MEGF8: variants seen among roughly 807,000 people sequenced by gnomAD.
The protein encoded by MEGF8 is multiple EGF like domains 8, also known as multiple epidermal growth factor-like domains protein 8.
In MEGF8, 156 loss-of-function variants were observed where a neutral mutation model predicts 302.9. The observed-to-expected ratio is 0.52, with a 90% confidence interval of 0.45 to 0.59. The LOEUF is 0.59. Ranked by LOEUF, MEGF8 falls within the 20% of genes least tolerant of loss-of-function variation. The pLI, the probability that MEGF8 is intolerant of heterozygous loss-of-function variation, is 0.00. For missense variants in MEGF8, 3,345 were observed against 3,964.5 expected, an observed-to-expected ratio of 0.84 and a Z score of 4.20; for synonymous variants, 1,621 against 1,660.5, an observed-to-expected ratio of 0.98 and a Z score of 0.58.
chr19:42,351,695 G>T lies in MEGF8; in HGVS notation c.3035G>T (p.Cys1012Phe), dbSNP rs1368558165. ...CGGAGCTGCGATGGCTTCCTGACCT[G>T]CCATGAGTGTCTGCAGAGCCACGAG... ...RCRSCDGFLTCHECLQSHECG... is the reference protein window; with the variant it reads ...RCRSCDGFLTFHECLQSHECG... Residue 1012 changes from cysteine (C) to phenylalanine (F), a missense_variant, in exon 18 of 42, where the codon TGC becomes TTC. Transcript: ENST00000251268. This position sits in a 1 kb window ranked among gnomAD's most constrained non-coding sequence, Gnocchi z 5.6. 6.3e-7 allele frequency: 1 copy of T among 1,595,432 alleles called. No individual in the cohort carries two copies. Among genetic ancestry groups the T allele is most frequent in the African/African-American group, 1.3e-5 (1 of 74,626 alleles).
At position 42,335,346 on chromosome 19, in the gene MEGF8, C is replaced by T. The variant is rs368954010; in HGVS notation, c.789C>T (p.Ser263=). The T allele has an allele frequency of 2.4e-5, 38 of 1,613,866 alleles. No homozygotes were observed. Among genetic ancestry groups the T allele is most frequent in the Non-Finnish European group, 2.7e-5 (32 of 1,179,886 alleles). The change falls in exon 5 of 42, where the codon TCC becomes TCT. Residue 263 remains serine, a synonymous_variant. Coordinates refer to ENST00000251268, the MANE Select transcript of MEGF8 (RefSeq NM_001271938.2). Reference sequence around the variant, plus strand: ...GTGACCTCGTCCTATACAACTTCTCCGCCAACACCTGGGAGTCTTGGGACC... The same window carrying T: ...GTGACCTCGTCCTATACAACTTCTCTGCCAACACCTGGGAGTCTTGGGACC... The part of the protein sequence containing the change: ...ALGDLVLYNF[S]ANTWESWDLS...
In MEGF8 at chr19:42,352,239, G is replaced by C. The variant is rs756780589; in HGVS notation, c.3133G>C (p.Gly1045Arg). Reference sequence around the variant, plus strand: ...ACAGGGGGACTTCTCAGGGCCCCTCGGTGGGGGTAACTGCTCCCTGTGGGT... The same window carrying C: ...ACAGGGGGACTTCTCAGGGCCCCTCCGTGGGGGTAACTGCTCCCTGTGGGT... Reference protein sequence around the residue: ...CLQGDFSGPLGGGNCSLWVGE... With the variant: ...CLQGDFSGPLRGGNCSLWVGE... The change falls in exon 19 of 42, where the codon GGT (glycine) becomes CGT (arginine). Residue 1045 changes from glycine (G) to arginine (R), a missense_variant. Physicochemically the swap from Gly to Arg is moderately radical, Grantham distance 125. Coordinates refer to ENST00000251268, the MANE Select transcript of MEGF8 (RefSeq NM_001271938.2). The surrounding 1 kb of genome is among the most constrained non-coding windows in gnomAD (Gnocchi z 4.4). 2 of 1,554,908 alleles carry C rather than the reference G, an allele frequency of 1.3e-6. No individual in the cohort carries two copies. The highest frequency in any genetic ancestry group is 1.9e-5 in the Admixed American group (1 of 52,368).
chr19:42,376,863 A>C lies in MEGF8; in HGVS notation c.*88A>C, dbSNP rs1383206728. ...TCCCTCCACCTGGGGGCCCCTGGAC[A>C]CTGTCTACTTGGAGACCACTGGCCC... On this transcript the variant is annotated 3_prime_UTR_variant, in exon 42 of 42. Coordinates refer to ENST00000251268, the MANE Select transcript of MEGF8 (RefSeq NM_001271938.2). The surrounding 1 kb of genome is among the most constrained non-coding windows in gnomAD (Gnocchi z 8.2). 1.5e-6 allele frequency: 2 copies of C among 1,369,494 alleles called. No homozygotes were observed. The highest frequency in any genetic ancestry group is 2.7e-5 in the East Asian group (1 of 36,820). 84.8% of individuals were successfully genotyped at this position (1,369,494 alleles called of 1,614,324 possible).
chr19:42,362,461 T>C lies in MEGF8; in HGVS notation c.5922T>C (p.Ser1974=). ...ACIGRNGSCT[S]ENDCRINQRE... ...TTGGACGCAATGGGTCCTGCACCTC[T>C]GAGAATGACTGTCGGATCAACCAGC... The change falls in exon 34 of 42, where the codon TCT becomes TCC. Residue 1974 remains serine (S), a synonymous_variant. Coordinates refer to ENST00000251268, the MANE Select transcript of MEGF8 (RefSeq NM_001271938.2). The C allele has an allele frequency of 6.2e-7, 1 of 1,613,980 alleles. No homozygotes were observed. The highest frequency in any genetic ancestry group is 2.2e-5 in the East Asian group (1 of 44,882).
Position 42,376,308 on chromosome 19 carries a change from A to G in MEGF8, c.8071A>G (p.Lys2691Glu). The change falls in exon 42 of 42, where the codon AAG becomes GAG. Residue 2691 changes from lysine (K) to glutamate (E), a missense_variant. Lys to Glu is a moderately conservative substitution (Grantham distance 56). Coordinates refer to ENST00000251268, the MANE Select transcript of MEGF8 (RefSeq NM_001271938.2). This position sits in a 1 kb window ranked among gnomAD's most constrained non-coding sequence, Gnocchi z 8.2. ...GCGCCGGCACTTGCAGGAGATGACC[A>G]AGATGGCCAGCCGCCCCTTCGCCAA... ...EQRRHLQEMT[K>E]MASRPFAKVT... is the part of the protein sequence containing the mutation. The G allele has an allele frequency of 6.2e-7, 1 of 1,613,568 alleles. No homozygotes were observed. Among genetic ancestry groups the G allele is most frequent in the Non-Finnish European group, 8.5e-7 (1 of 1,179,796 alleles).
chr19:42,375,745 A>G lies in MEGF8; in HGVS notation c.7508A>G (p.Tyr2503Cys), dbSNP rs1394132563. 1.2e-6 allele frequency: 2 copies of G among 1,612,420 alleles called. No individual in the cohort carries two copies. The highest frequency in any genetic ancestry group is 1.3e-5 in the African/African-American group (1 of 74,792). Residue 2503 changes from tyrosine (Y) to cysteine (C), a missense_variant, in exon 42 of 42, where the codon TAT becomes TGT. Tyr to Cys is a radical substitution (Grantham distance 194). Coordinates refer to ENST00000251268, the MANE Select transcript of MEGF8 (RefSeq NM_001271938.2). The surrounding 1 kb of genome is among the most constrained non-coding windows in gnomAD (Gnocchi z 7.1). ...LDVTFGAVDL[Y>C]VSTSYDTFVV... ...GTGACCTTCGGGGCCGTGGACCTCT[A>G]TGTCTCCACCTCCTATGACACCTTC... is the stretch of plus-strand genomic sequence containing the variant.
At position 42,352,869 on chromosome 19, in the gene MEGF8, G is replaced by T; in HGVS notation, c.3351-59G>T. ...TGTCATGGTGGGTGGAGATGATGGG[G>T]TGCTTTAGGGGCTCTGGGCCTGCCT... On this transcript the variant is annotated intron_variant, in intron 19 of 41. Coordinates refer to ENST00000251268, the MANE Select transcript of MEGF8 (RefSeq NM_001271938.2). The surrounding 1 kb of genome is among the most constrained non-coding windows in gnomAD (Gnocchi z 4.4). The T allele has an allele frequency of 1.6e-6, 2 of 1,263,504 alleles. No homozygotes were observed. The highest frequency in any genetic ancestry group is 2.2e-6 in the Non-Finnish European group (2 of 892,960). 78.3% of individuals were successfully genotyped at this position (1,263,504 alleles called of 1,614,324 possible). A position where few individuals can be genotyped will look rare whatever the true frequency, so the allele number is the denominator to read the frequency against.
intron 39 of MEGF8, 102 bp from the exon 40 acceptor site, chr19:42,370,599 T>C: frequency 1.5e-6 from 2 of 1,366,046 alleles, no homozygotes; most frequent in South Asian, 1.4e-5. Flanking sequence ...CCTGGCCTCC[T>C]GGGTCTGAGG....
rs760662063 is a variant in MEGF8, at chr19:42,375,653, C to G, written c.7416C>G (p.Pro2472=). ...AGCCCAAACGCCGGGCGCTAGGCCC[C>G]GGCCGCACTGTCCTCTTTGGCGTGC... ...FHEPKRRALG[P]GRTVLFGVQP... Residue 2472 remains proline, a synonymous_variant, in exon 42 of 42, where the codon CCC becomes CCG. Coordinates refer to ENST00000251268, the MANE Select transcript of MEGF8 (RefSeq NM_001271938.2). This position sits in a 1 kb window ranked among gnomAD's most constrained non-coding sequence, Gnocchi z 7.1. 10 of 1,609,852 alleles carry G rather than the reference C, an allele frequency of 6.2e-6. No homozygotes were observed. The highest frequency in any genetic ancestry group is 8.5e-6 in the Non-Finnish European group (10 of 1,178,690).
At chr19:42,366,013 C>T (rs2039600073) in intron 35 of MEGF8, among the ~76,000 whole-genome samples, 1 of 151,062 alleles carries the variant, frequency 6.6e-6, no homozygotes, top group Non-Finnish European at 1.5e-5. Context: ...ACCTGGGTGG[C>T]AGAGGTTGCA....
chr19:42,344,929 C>A lies in MEGF8; in HGVS notation c.2097+96C>A, dbSNP rs992816543. On this transcript the variant is annotated intron_variant, in intron 12 of 41. Coordinates refer to ENST00000251268, the MANE Select transcript of MEGF8 (RefSeq NM_001271938.2). This position sits in a 1 kb window ranked among gnomAD's most constrained non-coding sequence, Gnocchi z 4.5. ...CATCTTTATCACTCTTATGTTTACT[C>A]CAAAACTCTTTACATTCAAGGGTCT... The A allele has an allele frequency of 2.3e-5, 29 of 1,273,566 alleles. 1 individual carries two copies. The South Asian group carries it at 5.6e-4, about 25-fold the overall frequency. 78.9% of individuals were successfully genotyped at this position (1,273,566 alleles called of 1,614,324 possible). A position where few individuals can be genotyped will look rare whatever the true frequency, so the allele number is the denominator to read the frequency against.
At chr19:42,343,675 G>T (rs2039246791) in intron 9 of MEGF8, 44 bp downstream of exon 9, 5 of 1,550,876 alleles carry the variant, frequency 3.2e-6, no homozygotes, top group Non-Finnish European at 4.4e-6. Context: ...GGGGGAGGAG[G>T]TAGCAGGGTT....
Position 42,368,805 on chromosome 19 carries a change from A to G in MEGF8, c.6482-38A>G. The G allele has an allele frequency of 6.2e-7, 1 of 1,602,096 alleles. No individual in the cohort carries two copies. The highest frequency in any genetic ancestry group is 8.5e-7 in the Non-Finnish European group (1 of 1,173,554). On this transcript the variant is annotated intron_variant, in intron 36 of 41. Coordinates refer to ENST00000251268, the MANE Select transcript of MEGF8 (RefSeq NM_001271938.2). The surrounding 1 kb of genome is among the most constrained non-coding windows in gnomAD (Gnocchi z 4.9). ...GGCCTAGGCAACTGGGGCAGGTGGT[A>G]CAGAGGTCCAGGTAAAATGCTATAT... is the stretch of plus-strand genomic sequence containing the variant.
rs1355025089 is a variant in MEGF8, at chr19:42,353,725, G to A, written c.3761+50G>A. On this transcript the variant is annotated intron_variant, in intron 21 of 41. Coordinates refer to ENST00000251268, the MANE Select transcript of MEGF8 (RefSeq NM_001271938.2). This position sits in a 1 kb window ranked among gnomAD's most constrained non-coding sequence, Gnocchi z 6.1. ...TGGGTAGGGTGTGCTTGGGGACACA[G>A]TGGGGAGGGTCAGGACTGGTCTGAC... The A allele has an allele frequency of 1.3e-6, 2 of 1,573,856 alleles. No homozygotes were observed. The highest frequency in any genetic ancestry group is 1.7e-4 in the Middle Eastern group (1 of 5,928).
rs914088074 is a variant in MEGF8, at chr19:42,376,759, C to G, written c.8522C>G (p.Thr2841Ser). The G allele has an allele frequency of 4.8e-6, 7 of 1,453,588 alleles. No individual in the cohort carries two copies. In the Admixed American group the frequency reaches 7.4e-5, roughly 15 times the overall value. The allele number at this position is 1,453,588 out of a possible 1,614,324, so 90.0% of individuals were successfully genotyped here. A position where few individuals can be genotyped will look rare whatever the true frequency, so the allele number is the denominator to read the frequency against. ...RKGLLSQDNL[T>S]SMSL The stretch of plus-strand genomic sequence containing the variant: ...GGACTGTTGAGCCAGGACAACCTCA[C>G]CAGCATGTCCCTCTGACATGCCCAG... Residue 2841 changes from threonine to serine, a missense_variant, in exon 42 of 42, where the codon ACC (threonine) becomes AGC (serine). Coordinates refer to ENST00000251268, the MANE Select transcript of MEGF8 (RefSeq NM_001271938.2). This position sits in a 1 kb window ranked among gnomAD's most constrained non-coding sequence, Gnocchi z 8.2.
chr19:42,352,421 C>T lies in MEGF8; in HGVS notation c.3315C>T (p.Gly1105=). The change falls in exon 19 of 42, where the codon GGC becomes GGT. Residue 1105 remains glycine (G), a synonymous_variant. Transcript: ENST00000251268. This position sits in a 1 kb window ranked among gnomAD's most constrained non-coding sequence, Gnocchi z 4.4. ...GCTACGAGTGTCACTGCCAGCGGGGCTACCAGGGTGATGGCATCTCACACT... is the reference window on the plus strand; with the variant it reads ...GCTACGAGTGTCACTGCCAGCGGGGTTACCAGGGTGATGGCATCTCACACT... ...PLSYECHCQR[G]YQGDGISHCN... is the part of the protein sequence containing the mutation. The T allele has an allele frequency of 6.3e-7, 1 of 1,599,074 alleles. No individual in the cohort carries two copies. Among genetic ancestry groups the T allele is most frequent in the Non-Finnish European group, 8.5e-7 (1 of 1,173,126 alleles).
intron 41 of MEGF8, among the ~76,000 whole-genome samples, chr19:42,372,069 C>CAAA (rs747348980): frequency 2.9e-5 from 4 of 140,174 alleles, no homozygotes; most frequent in African/African-American, 1.2e-4. Flanking sequence ...ACAACAACAA[C>CAAA]AACAAACACA....
Position 42,368,758 on chromosome 19 carries a change from G to T in MEGF8, c.6482-85G>T. ...ATACTGGGCCAGACCCAGAGGTGGG[G>T]CTCAGAGGAGGCAGGAGGGAGGGCC... On this transcript the variant is annotated intron_variant, in intron 36 of 41. Transcript: ENST00000251268. This position sits in a 1 kb window ranked among gnomAD's most constrained non-coding sequence, Gnocchi z 4.9. 1 of 1,561,910 alleles carries T rather than the reference G, an allele frequency of 6.4e-7. No individual in the cohort carries two copies. Among genetic ancestry groups the T allele is most frequent in the Non-Finnish European group, 8.7e-7 (1 of 1,154,312 alleles).
At chr19:42,374,071 G>A (rs1336272552) in intron 41 of MEGF8, among the ~76,000 whole-genome samples, 1 of 152,148 alleles carries the variant, frequency 6.6e-6, no homozygotes, top group African/African-American at 2.4e-5. Context: ...GCCTGCCACA[G>A]AGCTGGATGC....
Sources: gnomAD v4.1 joint callset for allele counts (sites outside exome capture counted in the v4.1 genomes callset) on GRCh38, gnomAD v4.1.1 for gene constraint, Gnocchi (gnomAD v3.1) non-coding constraint, MANE v1.5 for transcripts, NCBI Gene and HGNC (gene_info 2026-07-23, HGNC 2026-07-21) for gene names.